Variants in CMIP observed in about 807,000 individuals in gnomAD.
CMIP encodes c-Maf inducing protein.
CMIP carries 13 observed loss-of-function variants against 97.3 expected under a neutral mutation model. The observed-to-expected ratio is 0.13, with a 90% CI of 0.09 to 0.21. CMIP has a LOEUF of 0.21. Ranked by LOEUF, CMIP falls within the 10% of genes least tolerant of loss-of-function variation. The pLI is 1.00. For synonymous variants in CMIP, 538 were observed against 436.3 expected (o/e 1.23, Z -2.91); for missense variants, 847 against 1,024.9 (o/e 0.83, Z 2.37).
At chr16:81,704,271 C>T (rs1907787421) in intron 18 of CMIP, among the ~76,000 whole-genome samples, 186 bp downstream of exon 18, 1 of 78,034 alleles carries the variant, frequency 1.3e-5, no homozygotes, top group Admixed American at 1.2e-4. Flanking sequence ...ACCCTCCTCC[C>T]TGCTCCCCTC....
intron 20 of CMIP, among the ~76,000 whole-genome samples, chr16:81,707,506 G>T (rs1417053489): frequency 6.6e-6 from 1 of 152,242 alleles, no homozygotes; most frequent in East Asian, 1.9e-4. Flanking sequence ...TCACAGCAGA[G>T]CAGCGAGTCA....
intron 1 of CMIP, among the ~76,000 whole-genome samples, chr16:81,477,231 C>G (rs1471378): frequency 0.62 from 94,004 of 151,754 alleles, 29,613 homozygotes; most frequent in East Asian, 0.78. Flanking sequence ...TCTCGGCTCA[C>G]TGCAACCTCA....
At chr16:81,596,480 C>G (rs2091558498) in intron 1 of CMIP, among the ~76,000 whole-genome samples, 1 of 143,886 alleles carries the variant, frequency 6.9e-6, no homozygotes, top group Non-Finnish European at 1.5e-5. Flanking sequence ...GCATTCCAGC[C>G]TGGGCAACAG....
intron 1 of CMIP, among the ~76,000 whole-genome samples, chr16:81,597,764 C>G (rs1490205283): frequency 6.6e-6 from 1 of 152,120 alleles, no homozygotes; most frequent in African/African-American, 2.4e-5. Flanking sequence ...ACTCAACTGT[C>G]AAAGATGCCC....
chr16:81,540,949 G>T (rs2150838743), intron 1 of CMIP, among the ~76,000 whole-genome samples: 1 of 151,430 alleles, frequency 6.6e-6, no homozygotes, highest in Non-Finnish European at 1.5e-5. Flanking sequence ...CAAAGTGCTG[G>T]GATTACAGGT....
At chr16:81,699,642 C>T (rs1174302334) in intron 14 of CMIP, 43 bp from the exon 15 acceptor site, 1 of 1,326,354 alleles carries the variant, frequency 7.5e-7, no homozygotes, top group Non-Finnish European at 1.1e-6. Flanking sequence ...GAGGCTGGCA[C>T]TGGGTGTCTC....
chr16:81,633,993 C>T (rs1567623358), intron 3 of CMIP, among the ~76,000 whole-genome samples: 1 of 152,250 alleles, frequency 6.6e-6, no homozygotes, highest in Non-Finnish European at 1.5e-5. Flanking sequence ...CCTCCTGGCA[C>T]TGCAGACCCA....
intron 1 of CMIP, among the ~76,000 whole-genome samples, chr16:81,587,881 C>T (rs1316954989): frequency 6.6e-6 from 1 of 152,218 alleles, no homozygotes; most frequent in Non-Finnish European, 1.5e-5. Flanking sequence ...TGTGGACAGC[C>T]AGTGTGCGGG....
At chr16:81,552,546 C>T (rs2090679558) in intron 1 of CMIP, among the ~76,000 whole-genome samples, 1 of 152,186 alleles carries the variant, frequency 6.6e-6, no homozygotes, top group African/African-American at 2.4e-5. Flanking sequence ...GCCCCTTCCT[C>T]CATCTTCAGA....
intron 13 of CMIP, 127 bp from the exon 14 acceptor site, chr16:81,696,433 C>T (rs1398839753): frequency 1.1e-6 from 1 of 922,288 alleles, no homozygotes; most frequent in Admixed American, 2.1e-5. Flanking sequence ...CTGGAGGAAA[C>T]AAAGTTAAGC....
At chr16:81,626,332 T>G (rs571022639) in intron 3 of CMIP, among the ~76,000 whole-genome samples, 1 of 151,266 alleles carries the variant, frequency 6.6e-6, no homozygotes, top group Admixed American at 6.6e-5. Flanking sequence ...GTGACTGGTG[T>G]GTCTGTGTGT....
At chr16:81,642,249 C>T (rs1162567133) in intron 3 of CMIP, among the ~76,000 whole-genome samples, 1 of 152,182 alleles carries the variant, frequency 6.6e-6, no homozygotes, top group Non-Finnish European at 1.5e-5. Context: ...CCTGTCTCAC[C>T]CTTCAGCCAG....
intron 1 of CMIP, among the ~76,000 whole-genome samples, chr16:81,528,368 G>C (rs1404921086): frequency 6.6e-6 from 1 of 152,052 alleles, no homozygotes; most frequent in African/African-American, 2.4e-5. Flanking sequence ...CATGCTGAAT[G>C]CTGGATACAT....
At chr16:81,632,235 T>C (rs1396538859) in intron 3 of CMIP, among the ~76,000 whole-genome samples, 1 of 152,108 alleles carries the variant, frequency 6.6e-6, no homozygotes, top group Non-Finnish European at 1.5e-5. Flanking sequence ...AAAAATAAAA[T>C]GCACGTACAT....
Position 81,445,535 on chromosome 16 carries a change from C to A in CMIP, c.294C>A (p.Ser98=), listed in dbSNP as rs1374262537. The change falls in exon 1 of 21, where the codon TCC becomes TCA. Residue 98 remains serine (S), a synonymous_variant. Coordinates refer to ENST00000537098, the MANE Select transcript of CMIP (RefSeq NM_198390.3). ...HLTLADNSLA[S]ATPTGYMENS... ...CGCTGGCCGACAACAGCCTGGCGTC[C>A]GCCACGGTGAGTGGCTCTGCGCGGC... 5.8e-6 allele frequency: 9 copies of A among 1,546,904 alleles called. No individual in the cohort carries two copies. The highest frequency in any genetic ancestry group is 7.8e-6 in the Non-Finnish European group (9 of 1,146,514).
chr16:81,661,118 C>T (rs1029909358), intron 6 of CMIP, among the ~76,000 whole-genome samples, 172 bp downstream of exon 6: 1 of 152,238 alleles, frequency 6.6e-6, no homozygotes, highest in East Asian at 1.9e-4. Context: ...AGGGCTACAC[C>T]CACGTCTCTG....
intron 2 of CMIP, among the ~76,000 whole-genome samples, chr16:81,611,690 A>G (rs2091834572): frequency 6.6e-6 from 1 of 151,386 alleles, no homozygotes; most frequent in Non-Finnish European, 1.5e-5. Flanking sequence ...CCTGTCCCCC[A>G]GTCCTCTCTG....
intron 1 of CMIP, among the ~76,000 whole-genome samples, chr16:81,534,394 A>T (rs1447434439): frequency 2.0e-5 from 3 of 152,138 alleles, no homozygotes; most frequent in Non-Finnish European, 4.4e-5. Context: ...TTAAAAAAAG[A>T]TTGTAAGGGT....
At chr16:81,574,969 C>T (rs1025524921) in intron 1 of CMIP, among the ~76,000 whole-genome samples, 2 of 152,186 alleles carry the variant, frequency 1.3e-5, no homozygotes, top group East Asian at 3.8e-4. Context: ...AGCTCTTGCT[C>T]ATTCCTACCT....
Sources: allele counts gnomAD v4.1 joint callset (sites outside exome capture counted in the v4.1 genomes callset), GRCh38; gene constraint gnomAD v4.1.1; transcripts MANE v1.5; gene names NCBI Gene and HGNC (gene_info 2026-07-23, HGNC 2026-07-21).